The following TUNAR variants were observed in gnomAD, a reference collection of about 807,000 sequenced individuals.
TUNAR encodes transmembrane neural differentiation associated intracellular calcium regulator.
At chr14:95,922,205 T>TGAG (rs1257572348) in intron 2 of TUNAR, among the ~76,000 whole-genome samples, 1 of 152,260 alleles carries the variant, frequency 6.6e-6, no homozygotes, top group East Asian at 1.9e-4. Flanking sequence ...CCAGGGATTA[T>TGAG]GAGAATTTCT....
rs576759706 is a variant in TUNAR, at chr14:95,912,900, C to G, written c.13-9881C>G. The stretch of plus-strand genomic sequence containing the variant: ...CCATCTCCCAGGTTGACGCCATTCT[C>G]CTGCCTCAGCCTCCCGAGTAGCTGG... On this transcript the variant is annotated intron_variant, in intron 2 of 2. Coordinates refer to ENST00000678517, the Ensembl canonical transcript of TUNAR. Among the ~76,000 whole-genome samples, 4 of 152,262 alleles carry G rather than the reference C, an allele frequency of 2.6e-5. No homozygotes were observed. The South Asian group carries it at 8.3e-4, about 32-fold the overall frequency.
At chr14:95,886,984 T>G (rs1889088470) in intron 2 of TUNAR, among the ~76,000 whole-genome samples, 1 of 152,016 alleles carries the variant, frequency 6.6e-6, no homozygotes, top group South Asian at 2.1e-4. Context: ...CTGAAGCTTG[T>G]GTGGAAGTTG....
intron 2 of TUNAR, among the ~76,000 whole-genome samples, chr14:95,899,683 C>T (rs997206601): frequency 4.6e-5 from 7 of 152,144 alleles, no homozygotes; most frequent in South Asian, 2.1e-4. Flanking sequence ...CTTCATGCTG[C>T]CTCCTCACCT....
exon 3 of TUNAR, chr14:95,923,775 A>T (rs1257165328): frequency 6.6e-6 from 1 of 151,608 alleles, no homozygotes; most frequent in Non-Finnish European, 1.5e-5. Flanking sequence ...ATTTTCCCAT[A>T]CTGTCAGCCA....
chr14:95,906,591 C>G (rs1293150528), intron 2 of TUNAR, among the ~76,000 whole-genome samples: 1 of 152,228 alleles, frequency 6.6e-6, no homozygotes, highest in Non-Finnish European at 1.5e-5. Flanking sequence ...TTGTCCTCAG[C>G]CTTATGCTAT....
chr14:95,918,565 CA>C (rs1889642645), intron 2 of TUNAR, among the ~76,000 whole-genome samples: 1 of 152,188 alleles, frequency 6.6e-6, no homozygotes, highest in South Asian at 2.1e-4. Flanking sequence ...ATGACTTAAG[CA>C]ACTTGGAAAC....
intron 2 of TUNAR, among the ~76,000 whole-genome samples, chr14:95,911,165 G>T (rs1889506333): frequency 6.6e-6 from 1 of 152,144 alleles, no homozygotes; most frequent in African/African-American, 2.4e-5. Flanking sequence ...TCCAGCCTCA[G>T]CTCTTAGGAC....
intron 2 of TUNAR, among the ~76,000 whole-genome samples, chr14:95,877,945 A>G (rs536434023): frequency 6.6e-6 from 1 of 152,204 alleles, no homozygotes; most frequent in Admixed American, 6.5e-5. Flanking sequence ...CTCCTGAAGG[A>G]TGGAAAGGAC....
chr14:95,924,620 G>A (rs1252862304), exon 3 of TUNAR: 2 of 152,268 alleles, frequency 1.3e-5, no homozygotes, highest in Admixed American at 6.5e-5. Flanking sequence ...CGTCTCACAT[G>A]GTGGCAGACA....
intron 2 of TUNAR, among the ~76,000 whole-genome samples, chr14:95,888,989 C>G (rs1436963260): frequency 6.6e-6 from 1 of 152,162 alleles, no homozygotes; most frequent in Non-Finnish European, 1.5e-5. Flanking sequence ...TGAAGCACTA[C>G]GGGCCCCGTG....
intron 2 of TUNAR, among the ~76,000 whole-genome samples, chr14:95,910,975 G>T (rs1442595871): frequency 6.6e-6 from 1 of 152,224 alleles, no homozygotes; most frequent in Non-Finnish European, 1.5e-5. Context: ...TAGGAGCCAA[G>T]TGAGTTTCAA....
intron 2 of TUNAR, among the ~76,000 whole-genome samples, chr14:95,880,288 T>G (rs890751006): frequency 1.3e-5 from 2 of 152,212 alleles, no homozygotes; most frequent in African/African-American, 2.4e-5. Flanking sequence ...TAGACATTCC[T>G]ATAAACAATA....
At chr14:95,882,114 A>G (rs977701601) in intron 2 of TUNAR, among the ~76,000 whole-genome samples, 3 of 152,224 alleles carry the variant, frequency 2.0e-5, no homozygotes, top group Admixed American at 6.5e-5. Flanking sequence ...TCTTTAAAAT[A>G]CCACATCTCA....
At chr14:95,899,590 C>G (rs541060538) in intron 2 of TUNAR, among the ~76,000 whole-genome samples, 1 of 152,162 alleles carries the variant, frequency 6.6e-6, no homozygotes, top group Non-Finnish European at 1.5e-5. Flanking sequence ...TCTCACAGTT[C>G]TGGAAGCTGG....
At chr14:95,901,372 G>C (rs985054583) in intron 2 of TUNAR, among the ~76,000 whole-genome samples, 2 of 152,224 alleles carry the variant, frequency 1.3e-5, no homozygotes, top group Non-Finnish European at 2.9e-5. Flanking sequence ...AGAGTTGGGG[G>C]CCAGGGATTC....
exon 1 of TUNAR, chr14:95,876,548 T>G (rs1888880743): frequency 6.6e-6 from 1 of 152,534 alleles, no homozygotes; most frequent in African/African-American, 2.4e-5. Context: ...AGGTGCGCAC[T>G]GCTGTGCTTG....
rs1889241847 is a variant in TUNAR at position 95,895,119 on chromosome 14, C to T, written c.12+17942C>T. 6.6e-6 allele frequency among the ~76,000 whole-genome samples: 1 copy of T among 152,228 alleles called. No individual in the cohort carries two copies. The highest frequency in any genetic ancestry group is 2.1e-4 in the South Asian group (1 of 4,828). ...CAGGTAAGTGCAGGAAGTGCAGAACCTGCCTTGAAGCTGGACGAGGGTCAT... is the reference window on the plus strand; with the variant it reads ...CAGGTAAGTGCAGGAAGTGCAGAACTTGCCTTGAAGCTGGACGAGGGTCAT... On this transcript the variant is annotated intron_variant, in intron 2 of 2. Coordinates refer to ENST00000678517, the Ensembl canonical transcript of TUNAR. The surrounding 1 kb of genome is among the most constrained non-coding windows in gnomAD (Gnocchi z 4.5).
At chr14:95,912,082 T>C (rs1298993544) in intron 2 of TUNAR, among the ~76,000 whole-genome samples, 2 of 152,220 alleles carry the variant, frequency 1.3e-5, no homozygotes, top group East Asian at 3.8e-4. Flanking sequence ...TTGAGGATTG[T>C]TGGAAAACAG....
chr14:95,888,809 G>GGT (rs150555926), intron 2 of TUNAR, among the ~76,000 whole-genome samples: 6,785 of 152,136 alleles, frequency 0.045, 178 homozygotes, highest in South Asian at 0.085. Flanking sequence ...CGAGGGGATG[G>GGT]GGGGGGCAGT....
Sources: allele counts gnomAD v4.1 joint callset (sites outside exome capture counted in the v4.1 genomes callset), GRCh38; gene constraint gnomAD v4.1.1; non-coding constraint Gnocchi (gnomAD v3.1); transcripts MANE v1.5; gene names NCBI Gene and HGNC (gene_info 2026-07-23, HGNC 2026-07-21).